Variants in C10orf67 observed in about 807,000 individuals in gnomAD.
C10orf67 encodes the protein chromosome 10 open reading frame 67.
A neutral mutation model predicts 35.6 loss-of-function variants in C10orf67; 60 were observed. That is an observed-to-expected ratio of 1.68 (90% CI 1.37 to 2.09). C10orf67 has a LOEUF of 2.09. Among genes scored for constraint, C10orf67 ranks in the 30% most tolerant of loss-of-function variants. The pLI is 0.00. For missense variants in C10orf67, 474 were observed against 330.2 expected (o/e 1.44, Z -3.38); for synonymous variants, 167 against 115.8 (o/e 1.44, Z -2.84).
chr10:23,280,867 A>G (rs990508247), intron 8 of C10orf67, among the ~76,000 whole-genome samples: 5 of 152,140 alleles, frequency 3.3e-5, no homozygotes, highest in South Asian at 4.1e-4. Context: ...ACAATATAAC[A>G]TTGGCTTTCC....
At chr10:23,226,652 G>A (rs528669824) in intron 13 of C10orf67, among the ~76,000 whole-genome samples, 175 of 152,118 alleles carry the variant, frequency 1.2e-3, no homozygotes, top group Non-Finnish European at 1.9e-3. Flanking sequence ...AATCCAGGAG[G>A]TGGTTTCCTG....
At chr10:23,284,420 C>G (rs1258448919) in intron 7 of C10orf67, among the ~76,000 whole-genome samples, 3 of 152,010 alleles carry the variant, frequency 2.0e-5, no homozygotes, top group Non-Finnish European at 1.5e-5. Context: ...CGGTGGCTCA[C>G]GCCTATGATC....
chr10:23,224,624 C>T (rs1456744115), intron 13 of C10orf67, among the ~76,000 whole-genome samples: 3 of 152,224 alleles, frequency 2.0e-5, no homozygotes, highest in Admixed American at 2.0e-4. Flanking sequence ...AAGCTAAAAA[C>T]CTTGAAAAAA....
At position 23,244,498 on chromosome 10, in the gene C10orf67, T is replaced by A. The variant is rs139041114; in HGVS notation, c.1347-4682A>T. Among the ~76,000 whole-genome samples, 12 of 152,118 alleles carry A rather than the reference T, an allele frequency of 7.9e-5. No individual in the cohort carries two copies. The East Asian group carries it at 2.3e-3, about 29-fold the overall frequency. On this transcript the variant is annotated intron_variant, in intron 12 of 15. Coordinates refer to ENST00000636213, the MANE Select transcript of C10orf67 (RefSeq NM_001371909.1). ...CAAAAAACCAGCAGAGCTAATAAATTCAGTAAAGTTACAGGATACAAAATA... is the reference window on the plus strand; with the variant it reads ...CAAAAAACCAGCAGAGCTAATAAATACAGTAAAGTTACAGGATACAAAATA...
At chr10:23,243,627 C>A (rs940683928) in intron 12 of C10orf67, among the ~76,000 whole-genome samples, 1 of 150,336 alleles carries the variant, frequency 6.7e-6, no homozygotes, top group Non-Finnish European at 1.5e-5. Context: ...GCGGAGGTTG[C>A]GGTGAGCTGA....
intron 13 of C10orf67, among the ~76,000 whole-genome samples, chr10:23,238,636 A>T (rs143976361): frequency 6.6e-6 from 1 of 152,342 alleles, no homozygotes; most frequent in East Asian, 1.9e-4. Flanking sequence ...GCTAATAATC[A>T]TAAAAAAGCC....
At chr10:23,270,156 C>G (rs902292446) in intron 8 of C10orf67, among the ~76,000 whole-genome samples, 1 of 152,180 alleles carries the variant, frequency 6.6e-6, no homozygotes, top group Non-Finnish European at 1.5e-5. Context: ...CGACTGAATT[C>G]AGCACCTTCA....
At chr10:23,332,091 T>G (rs1845507839) in intron 2 of C10orf67, among the ~76,000 whole-genome samples, 1 of 152,198 alleles carries the variant, frequency 6.6e-6, no homozygotes, top group Non-Finnish European at 1.5e-5. Flanking sequence ...CATCACAGAT[T>G]TACTGGCATA....
At chr10:23,323,948 T>TA (rs1177442947) in intron 2 of C10orf67, among the ~76,000 whole-genome samples, 2 of 47,538 alleles carry the variant, frequency 4.2e-5, no homozygotes, top group African/African-American at 1.6e-4. Context: ...TATATATATA[T>TA]ATATACACAC....
intron 2 of C10orf67, among the ~76,000 whole-genome samples, chr10:23,329,632 T>C (rs186460122): frequency 2.3e-4 from 35 of 151,584 alleles, no homozygotes; most frequent in South Asian, 1.9e-3. Context: ...AGACTCTATC[T>C]CTACCAAAAA....
chr10:23,223,534 A>C, intron 15 of C10orf67, 64 bp downstream of exon 15: 1 of 710,074 alleles, frequency 1.4e-6, no homozygotes, highest in Non-Finnish European at 2.6e-6. Flanking sequence ...AAGAAAAGCA[A>C]AGTTAATCTA....
intron 4 of C10orf67, among the ~76,000 whole-genome samples, chr10:23,319,957 G>A (rs192872351): frequency 4.3e-4 from 65 of 152,264 alleles, no homozygotes; most frequent in South Asian, 1.2e-3. Context: ...TTGAGTAGGC[G>A]TCACCACTGT....
At chr10:23,238,150 T>C (rs542805613) in intron 13 of C10orf67, among the ~76,000 whole-genome samples, 3 of 152,344 alleles carry the variant, frequency 2.0e-5, no homozygotes, top group East Asian at 1.9e-4. Flanking sequence ...TTGTTCACTA[T>C]GTTACACTCA....
Position 23,263,482 on chromosome 10 carries a change from T to C in C10orf67, c.1200+2780A>G, listed in dbSNP as rs1254034078. On this transcript the variant is annotated intron_variant, in intron 10 of 15. Transcript: ENST00000636213. Reference sequence around the variant, plus strand: ...ACTATTTTATCTAACACTTCTTGAATGTTTAAAAAAAGAAGTTCTAGAGTT... The same window carrying C: ...ACTATTTTATCTAACACTTCTTGAACGTTTAAAAAAAGAAGTTCTAGAGTT... 6.6e-5 allele frequency among the ~76,000 whole-genome samples: 10 copies of C among 152,322 alleles called. No homozygotes were observed. In the South Asian group the frequency reaches 8.3e-4, roughly 13 times the overall value.
chr10:23,326,678 T>C (rs887801527), intron 2 of C10orf67, among the ~76,000 whole-genome samples: 1 of 152,128 alleles, frequency 6.6e-6, no homozygotes, highest in Non-Finnish European at 1.5e-5. Context: ...GTATAATAGA[T>C]GCAATACGTA....
At position 23,323,359 on chromosome 10, in the gene C10orf67, T is replaced by C. The variant is rs1845033238; in HGVS notation, c.328-822A>G. 2.0e-5 allele frequency among the ~76,000 whole-genome samples: 3 copies of C among 152,092 alleles called. No homozygotes were observed. In the South Asian group the frequency reaches 6.2e-4, roughly 31 times the overall value. On this transcript the variant is annotated intron_variant, in intron 2 of 15. Coordinates refer to ENST00000636213, the MANE Select transcript of C10orf67 (RefSeq NM_001371909.1). ...AAATGTATTCACTAGGGCTCCCACC[T>C]GTAATCCCAAAACTTTGGGAGGGTA...
intron 2 of C10orf67, among the ~76,000 whole-genome samples, chr10:23,331,137 C>A (rs1156339150): frequency 1.8e-5 from 1 of 56,070 alleles, no homozygotes; most frequent in Admixed American, 2.2e-4. Context: ...GGAGAGGAAC[C>A]GAGACGGGAA....
At chr10:23,238,618 G>T (rs574979044) in intron 13 of C10orf67, among the ~76,000 whole-genome samples, 71 of 152,250 alleles carry the variant, frequency 4.7e-4, no homozygotes, top group African/African-American at 1.6e-3. Flanking sequence ...GACTAGAAAA[G>T]GTTACCAGCT....
At chr10:23,228,574 C>A (rs1841811936) in intron 13 of C10orf67, among the ~76,000 whole-genome samples, 1 of 152,094 alleles carries the variant, frequency 6.6e-6, no homozygotes, top group Non-Finnish European at 1.5e-5. Context: ...GCAACAAAAG[C>A]CAAAATTGAT....
Sources: allele counts gnomAD v4.1 joint callset (sites outside exome capture counted in the v4.1 genomes callset), GRCh38; gene constraint gnomAD v4.1.1; transcripts MANE v1.5; gene names NCBI Gene and HGNC (gene_info 2026-07-23, HGNC 2026-07-21).